The following CDH4 variants were observed in gnomAD, a reference collection of about 807,000 sequenced individuals.
CDH4 encodes cadherin 4, also known as cadherin-4.
A neutral mutation model predicts 86.0 loss-of-function variants in CDH4; 33 were observed. That is an observed-to-expected ratio of 0.38 (90% CI 0.29 to 0.51). The LOEUF (loss-of-function observed/expected upper bound fraction) is 0.51, where lower values mean the gene tolerates loss of function less well. CDH4 is among the 20% of genes least tolerant of loss of function. The pLI, the probability that CDH4 is intolerant of heterozygous loss-of-function variation, is 0.86. For synonymous variants in CDH4, 555 were observed against 549.4 expected (o/e 1.01, Z -0.14); for missense variants, 1,114 against 1,307.4 (o/e 0.85, Z 2.28).
intron 4 of CDH4, among the ~76,000 whole-genome samples, chr20:61,784,887 C>T (rs967969385): frequency 5.3e-5 from 8 of 152,324 alleles, no homozygotes; most frequent in African/African-American, 1.9e-4. Context: ...CATCCCCTTC[C>T]TGGCTATGGG....
At chr20:61,274,979 G>T (rs1374439000) in intron 2 of CDH4, among the ~76,000 whole-genome samples, 2 of 149,650 alleles carry the variant, frequency 1.3e-5, no homozygotes, top group Non-Finnish European at 3.0e-5. Context: ...TATGCAGTTT[G>T]GGGGAGTACT....
intron 6 of CDH4, among the ~76,000 whole-genome samples, chr20:61,860,637 G>A (rs1172256972): frequency 2.0e-5 from 3 of 152,144 alleles, no homozygotes; most frequent in African/African-American, 4.8e-5. Context: ...AAGGTTGCTG[G>A]GTTCTGTGCA....
At chr20:61,908,380 C>G (rs941532987) in intron 8 of CDH4, among the ~76,000 whole-genome samples, 3 of 152,180 alleles carry the variant, frequency 2.0e-5, no homozygotes, top group African/African-American at 4.8e-5. Flanking sequence ...TTCCCCGGAC[C>G]CTGTTCACCT....
intron 9 of CDH4, among the ~76,000 whole-genome samples, chr20:61,911,773 A>G (rs955770802): frequency 1.3e-5 from 2 of 151,992 alleles, no homozygotes; most frequent in African/African-American, 2.4e-5. Context: ...TTAAAGCTGG[A>G]TAGGATATGC....
Position 61,936,923 on chromosome 20 carries a change from G to A in CDH4, c.2731G>A (p.Gly911Arg), listed in dbSNP as rs2055198631. ...PRFKKLADMYGGGEED is the reference protein window; with the variant it reads ...PRFKKLADMYRGGEED ...ATTCAAGAAGCTGGCGGACATGTATGGAGGTGGTGAAGAGGATTGACTGAC... is the reference window on the plus strand; with the variant it reads ...ATTCAAGAAGCTGGCGGACATGTATAGAGGTGGTGAAGAGGATTGACTGAC... The change falls in exon 16 of 16, where the codon GGA (glycine) becomes AGA (arginine). Residue 911 changes from glycine (G) to arginine (R), a missense_variant. By Grantham distance (125) the Gly-to-Arg change is moderately radical. Coordinates refer to ENST00000614565, the MANE Select transcript of CDH4 (RefSeq NM_001794.5). 6.3e-7 allele frequency: 1 copy of A among 1,588,078 alleles called. No homozygotes were observed. The highest frequency in any genetic ancestry group is 8.6e-7 in the Non-Finnish European group (1 of 1,167,596).
chr20:61,680,332 G>A (rs2087497780), intron 2 of CDH4, among the ~76,000 whole-genome samples: 1 of 152,362 alleles, frequency 6.6e-6, no homozygotes, highest in East Asian at 1.9e-4. Flanking sequence ...AGGGCTGAGG[G>A]GCGCTGGGCT....
intron 2 of CDH4, among the ~76,000 whole-genome samples, chr20:61,481,994 C>G (rs1165124529): frequency 1.3e-5 from 2 of 152,208 alleles, no homozygotes; most frequent in African/African-American, 4.8e-5. Flanking sequence ...CTCCCACTCT[C>G]AAGGTTCAGC....
rs111602199 is a variant in CDH4, at chr20:61,616,811, G to A, written c.170-126752G>A. On this transcript the variant is annotated intron_variant, in intron 2 of 15. Coordinates refer to ENST00000614565, the MANE Select transcript of CDH4 (RefSeq NM_001794.5). ...GCTGACCTTCCCACTCTGCAGGGAC[G>A]CAGGCCAGAAAACGCACCACTGCCC... Among the ~76,000 whole-genome samples the A allele has an allele frequency of 6.6e-3, 1,010 of 152,294 alleles. 5 individuals are homozygous for A. The highest frequency in any genetic ancestry group is 0.024 in the Middle Eastern group (7 of 294).
intron 4 of CDH4, among the ~76,000 whole-genome samples, chr20:61,826,737 C>A (rs1405561805): frequency 6.6e-6 from 1 of 152,106 alleles, no homozygotes; most frequent in Non-Finnish European, 1.5e-5. Flanking sequence ...CTTCGAGACC[C>A]GTTGATGGCC....
intron 2 of CDH4, among the ~76,000 whole-genome samples, chr20:61,670,478 C>G (rs1476075251): frequency 6.6e-6 from 1 of 152,126 alleles, no homozygotes; most frequent in Non-Finnish European, 1.5e-5. Context: ...CTGATGGAGC[C>G]AAGGGTGAAG....
chr20:61,672,028 G>A lies in CDH4; in HGVS notation c.170-71535G>A, dbSNP rs111065482. Among the ~76,000 whole-genome samples, 482 of 144,990 alleles carry A rather than the reference G, an allele frequency of 3.3e-3. 1 individual carries two copies. The highest frequency in any genetic ancestry group is 0.012 in the African/African-American group (466 of 39,638). On this transcript the variant is annotated intron_variant, in intron 2 of 15. Transcript: ENST00000614565. ...GGATGTATGGATGTATGGACAGATGGGTGGATGGGTGGATAGATAGATAAA... is the reference window on the plus strand; with the variant it reads ...GGATGTATGGATGTATGGACAGATGAGTGGATGGGTGGATAGATAGATAAA...
intron 2 of CDH4, among the ~76,000 whole-genome samples, chr20:61,697,253 C>T (rs1377908607): frequency 1.3e-5 from 2 of 152,128 alleles, no homozygotes; most frequent in Admixed American, 6.5e-5. Flanking sequence ...GTTCATAGGG[C>T]CCACACCCAG....
Position 61,834,562 on chromosome 20 carries a change from G to C in CDH4, c.577-10106G>C, listed in dbSNP as rs146853862. 1.3e-3 allele frequency among the ~76,000 whole-genome samples: 193 copies of C among 152,310 alleles called. 1 individual carries two copies. The highest frequency in any genetic ancestry group is 4.3e-3 in the African/African-American group (177 of 41,564). On this transcript the variant is annotated intron_variant, in intron 4 of 15. Transcript: ENST00000614565. ...ACAAGACCTTCCAGAGACAGGTGGG[G>C]ACGCGTGCATTAAATATCAATGAAG...
chr20:61,827,677 G>A (rs759986502), intron 4 of CDH4, among the ~76,000 whole-genome samples: 20 of 152,182 alleles, frequency 1.3e-4, no homozygotes, highest in Admixed American at 3.3e-4. Flanking sequence ...TCTAAAGACC[G>A]TTTCCTACCA....
chr20:61,258,329 C>CAAAAAA lies in CDH4; in HGVS notation c.169+3403_169+3408dup, dbSNP rs778048684. ...TGGGCAAAAGAACGAGACTCCGTCT[C>CAAAAAA]AAAAAAAAAAAAAAAAGAAAAAAAA... On this transcript the variant is annotated intron_variant, in intron 2 of 15. Coordinates refer to ENST00000614565, the MANE Select transcript of CDH4 (RefSeq NM_001794.5). Among the ~76,000 whole-genome samples the CAAAAAA allele has an allele frequency of 4.5e-3, 279 of 62,322 alleles. 8 individuals carry two copies. The highest frequency in any genetic ancestry group is 7.8e-3 in the South Asian group (7 of 902). 40.9% of individuals were successfully genotyped at this position (62,322 alleles called of 152,430 possible).
At chr20:61,699,248 A>G (rs11700275) in intron 2 of CDH4, among the ~76,000 whole-genome samples, 39,349 of 152,132 alleles carry the variant, frequency 0.26, 6,819 homozygotes, top group Non-Finnish European at 0.36. Context: ...CTGTAAATGC[A>G]TTTGGGGGGA....
At chr20:61,760,451 G>A (rs937385006) in intron 3 of CDH4, among the ~76,000 whole-genome samples, 8 of 152,222 alleles carry the variant, frequency 5.3e-5, no homozygotes, top group African/African-American at 1.9e-4. Context: ...GAGGAGGAAC[G>A]GTGAGGGCTG....
In CDH4 at chr20:61,703,285, C is replaced by A. The variant is rs985124408; in HGVS notation, c.170-40278C>A. Among the ~76,000 whole-genome samples, 1 of 152,082 alleles carries A rather than the reference C, an allele frequency of 6.6e-6. No homozygotes were observed. Among genetic ancestry groups the A allele is most frequent in the Non-Finnish European group, 1.5e-5 (1 of 68,030 alleles). The stretch of plus-strand genomic sequence containing the variant: ...GCTGCTCTGAGCACAGAGACCTGAG[C>A]ATCATGAGGCATTCATCCTAGTTTA... On this transcript the variant is annotated intron_variant, in intron 2 of 15. Coordinates refer to ENST00000614565, the MANE Select transcript of CDH4 (RefSeq NM_001794.5). This position sits in a 1 kb window ranked among gnomAD's most constrained non-coding sequence, Gnocchi z 4.3.
intron 2 of CDH4, among the ~76,000 whole-genome samples, chr20:61,400,833 C>G (rs2085045702): frequency 6.6e-6 from 1 of 152,238 alleles, no homozygotes; most frequent in South Asian, 2.1e-4. Flanking sequence ...CTTTCTATTT[C>G]CACCGGCCCT....
Sources: allele counts gnomAD v4.1 joint callset (sites outside exome capture counted in the v4.1 genomes callset), GRCh38; gene constraint gnomAD v4.1.1; non-coding constraint Gnocchi (gnomAD v3.1); transcripts MANE v1.5; gene names NCBI Gene and HGNC (gene_info 2026-07-23, HGNC 2026-07-21).